Variants in ATRNL1 observed in about 807,000 individuals in gnomAD.
ATRNL1 encodes the protein attractin like 1.
In ATRNL1, 95 loss-of-function variants were observed where a neutral mutation model predicts 182.7. The ratio of observed to expected loss-of-function variants is 0.52; its 90% CI spans 0.44 to 0.62. The LOEUF is 0.62. Ranked by LOEUF, ATRNL1 falls within the 20% of genes least tolerant of loss-of-function variation. The pLI, the probability that ATRNL1 is intolerant of heterozygous loss-of-function variation, is 0.00. For synonymous variants in ATRNL1, 576 were observed against 568.3 expected (o/e 1.01, Z -0.19); for missense variants, 1,471 against 1,679.5 (o/e 0.88, Z 2.17).
intron 27 of ATRNL1, among the ~76,000 whole-genome samples, chr10:115,790,313 G>C (rs782795113): frequency 6.6e-6 from 1 of 151,398 alleles, no homozygotes; most frequent in Non-Finnish European, 1.5e-5. Context: ...GAATTGACTT[G>C]CTTATTCTAA....
intron 20 of ATRNL1, among the ~76,000 whole-genome samples, chr10:115,409,988 G>A (rs1222328696): frequency 6.6e-6 from 1 of 151,952 alleles, no homozygotes; most frequent in African/African-American, 2.4e-5. Flanking sequence ...ATTATCATAT[G>A]GCTTTTTTCC....
At chr10:115,720,524 A>G (rs1380479650) in intron 26 of ATRNL1, among the ~76,000 whole-genome samples, 1 of 152,178 alleles carries the variant, frequency 6.6e-6, no homozygotes, top group Non-Finnish European at 1.5e-5. Context: ...CTATCAGGTC[A>G]TGTAGTTTGT....
intron 26 of ATRNL1, among the ~76,000 whole-genome samples, chr10:115,703,114 T>C (rs915518350): frequency 4.6e-5 from 7 of 151,838 alleles, no homozygotes; most frequent in Non-Finnish European, 7.4e-5. Flanking sequence ...CACACACTTA[T>C]GGCCCTGTGG....
chr10:115,450,591 C>T (rs1847231101), intron 21 of ATRNL1, among the ~76,000 whole-genome samples: 1 of 152,094 alleles, frequency 6.6e-6, no homozygotes, highest in Non-Finnish European at 1.5e-5. Flanking sequence ...TGAAAGATCT[C>T]TATAATGAGA....
intron 13 of ATRNL1, among the ~76,000 whole-genome samples, chr10:115,277,652 T>C (rs915823245): frequency 6.6e-6 from 1 of 151,964 alleles, no homozygotes; most frequent in African/African-American, 2.4e-5. Flanking sequence ...TCTTATAAAG[T>C]AGAGCCACAG....
At chr10:115,764,930 T>C (rs1233681275) in intron 27 of ATRNL1, among the ~76,000 whole-genome samples, 2 of 152,236 alleles carry the variant, frequency 1.3e-5, no homozygotes, top group Non-Finnish European at 2.9e-5. Flanking sequence ...CGCCTTGGCC[T>C]CCCAAATCGC....
At chr10:115,444,194 T>A (rs1485557485) in intron 21 of ATRNL1, among the ~76,000 whole-genome samples, 1 of 152,126 alleles carries the variant, frequency 6.6e-6, no homozygotes, top group Non-Finnish European at 1.5e-5. Flanking sequence ...ATAACAGGAA[T>A]GTTTGTCAGG....
At chr10:115,669,597 A>C (rs1174342691) in intron 26 of ATRNL1, among the ~76,000 whole-genome samples, 1 of 152,126 alleles carries the variant, frequency 6.6e-6, no homozygotes, top group Non-Finnish European at 1.5e-5. Context: ...TTTTATTGAC[A>C]TACTGCAAGT....
chr10:115,819,587 C>A (rs1354075682), intron 27 of ATRNL1, among the ~76,000 whole-genome samples: 1 of 152,102 alleles, frequency 6.6e-6, no homozygotes, highest in Non-Finnish European at 1.5e-5. Flanking sequence ...TATTATCATT[C>A]TGCCTAATTC....
chr10:115,817,854 A>C (rs79489470), intron 27 of ATRNL1, among the ~76,000 whole-genome samples: 8,817 of 145,932 alleles, frequency 0.06, 848 homozygotes, highest in African/African-American at 0.2. Context: ...AAATTTTAGC[A>C]TATGGCTTTG....
chr10:115,577,225 A>G (rs1854771120), intron 26 of ATRNL1, among the ~76,000 whole-genome samples: 1 of 151,708 alleles, frequency 6.6e-6, no homozygotes, highest in Non-Finnish European at 1.5e-5. Flanking sequence ...TTGTGGTTCT[A>G]TTCAAATTTT....
At chr10:115,190,256 G>A (rs1848118157) in intron 8 of ATRNL1, among the ~76,000 whole-genome samples, 1 of 148,830 alleles carries the variant, frequency 6.7e-6, no homozygotes, top group African/African-American at 2.5e-5. Context: ...AATTGTATAC[G>A]TTTTTTTTAC....
chr10:115,613,921 T>A (rs1857295965), intron 26 of ATRNL1, among the ~76,000 whole-genome samples: 1 of 152,082 alleles, frequency 6.6e-6, no homozygotes, highest in Admixed American at 6.5e-5. Context: ...TTTTTCTTAC[T>A]CTAACTAATA....
intron 9 of ATRNL1, among the ~76,000 whole-genome samples, chr10:115,219,803 T>G (rs1849376261): frequency 6.6e-6 from 1 of 152,046 alleles, no homozygotes; most frequent in Non-Finnish European, 1.5e-5. Context: ...CTTGTTGGTC[T>G]GAGGTGGAAG....
chr10:115,474,231 G>T (rs1330082450), intron 24 of ATRNL1, among the ~76,000 whole-genome samples: 1 of 151,366 alleles, frequency 6.6e-6, no homozygotes, highest in Non-Finnish European at 1.5e-5. Flanking sequence ...GCCAGGTAAG[G>T]TATTCTTGGT....
intron 24 of ATRNL1, among the ~76,000 whole-genome samples, chr10:115,514,635 A>G (rs1183741928): frequency 6.6e-6 from 1 of 151,886 alleles, no homozygotes; most frequent in Non-Finnish European, 1.5e-5. Context: ...GTGCTTCATC[A>G]ATTTAAGTAT....
intron 21 of ATRNL1, among the ~76,000 whole-genome samples, chr10:115,456,903 C>CA (rs1417875996): frequency 6.6e-6 from 1 of 152,084 alleles, no homozygotes; most frequent in Non-Finnish European, 1.5e-5. Context: ...GAGTGGCATC[C>CA]AGTGGCTTTT....
At chr10:115,612,670 A>C (rs1445082427) in intron 26 of ATRNL1, among the ~76,000 whole-genome samples, 1 of 152,246 alleles carries the variant, frequency 6.6e-6, no homozygotes, top group Non-Finnish European at 1.5e-5. Flanking sequence ...TCATGTAACA[A>C]GATGCAGTTT....
intron 1 of ATRNL1, among the ~76,000 whole-genome samples, chr10:115,102,418 T>C (rs993592380): frequency 4.0e-5 from 6 of 151,828 alleles, no homozygotes; most frequent in Non-Finnish European, 8.8e-5. Context: ...TGTACTTTAT[T>C]AATGTATGTA....
Sources: allele counts gnomAD v4.1 joint callset (sites outside exome capture counted in the v4.1 genomes callset), GRCh38; gene constraint gnomAD v4.1.1; transcripts MANE v1.5; gene names NCBI Gene and HGNC (gene_info 2026-07-23, HGNC 2026-07-21).